The following DCUN1D2 variants were observed in gnomAD, a reference collection of about 807,000 sequenced individuals.
The protein encoded by DCUN1D2 is DCN1-like protein 2.
In DCUN1D2, 29 loss-of-function variants were observed where a neutral mutation model predicts 30.9. The ratio of observed to expected loss-of-function variants is 0.94; its 90% CI spans 0.70 to 1.28. The LOEUF (loss-of-function observed/expected upper bound fraction) is 1.28. DCUN1D2 is among the 50% of genes most tolerant of loss of function. DCUN1D2 has a pLI of 0.00. For synonymous variants in DCUN1D2, 121 were observed against 115.3 expected (o/e 1.05, Z -0.32); for missense variants, 325 against 316.9 (o/e 1.03, Z -0.19).
intron 4 of DCUN1D2, among the ~76,000 whole-genome samples, chr13:113,462,289 T>A (rs951493483): frequency 1.9e-4 from 29 of 150,488 alleles, no homozygotes; most frequent in African/African-American, 6.8e-4. Context: ...ATAAATAAAA[T>A]AAAAAATAAA....
chr13:113,490,628 C>T lies in DCUN1D2; in HGVS notation c.3+39G>A. Reference sequence around the variant, plus strand: ...GCCGACCTTGGGGCCCGACCCCGACCCCGACCCCGACGGGCAGAGGCGACG... The same window carrying T: ...GCCGACCTTGGGGCCCGACCCCGACTCCGACCCCGACGGGCAGAGGCGACG... On this transcript the variant is annotated intron_variant, in intron 1 of 6. Transcript: ENST00000478244. This position sits in a 1 kb window ranked among gnomAD's most constrained non-coding sequence, Gnocchi z 5.2. 1 of 1,228,260 alleles carries T rather than the reference C, an allele frequency of 8.1e-7. No individual in the cohort carries two copies. Among genetic ancestry groups the T allele is most frequent in the Non-Finnish European group, 1.0e-6 (1 of 985,718 alleles). 76.1% of individuals were successfully genotyped at this position (1,228,260 alleles called of 1,614,324 possible). A position where few individuals can be genotyped will look rare whatever the true frequency, so the allele number is the denominator to read the frequency against.
At chr13:113,464,447 T>C (rs572787037) in intron 4 of DCUN1D2, among the ~76,000 whole-genome samples, 1 of 152,232 alleles carries the variant, frequency 6.6e-6, no homozygotes. Context: ...ATACTGACCT[T>C]CCTTGAAACA....
At chr13:113,469,373 C>CAGAACAG (rs2139697156) in intron 4 of DCUN1D2, among the ~76,000 whole-genome samples, 1 of 152,288 alleles carries the variant, frequency 6.6e-6, no homozygotes, top group Non-Finnish European at 1.5e-5. Flanking sequence ...AACACACCAA[C>CAGAACAG]AGAACAGATC....
At chr13:113,486,527 C>T (rs1227822738) in intron 1 of DCUN1D2, among the ~76,000 whole-genome samples, 1 of 152,158 alleles carries the variant, frequency 6.6e-6, no homozygotes, top group African/African-American at 2.4e-5. Flanking sequence ...AAAACCACAT[C>T]GAACTCCTGA....
rs975651686 is a variant in DCUN1D2 at position 113,474,234 on chromosome 13, A to G, written c.410T>C (p.Leu137Pro). Reference sequence around the variant, plus strand: ...CTCCAGTCTTGGCAGAAGAGCCTTTAGCTTCTCCATGCTGTCACACCTGCG... The same window carrying G: ...CTCCAGTCTTGGCAGAAGAGCCTTTGGCTTCTCCATGCTGTCACACCTGCG... ...TELGCDSMEK[L>P]KALLPRLEQE... is the part of the protein sequence containing the mutation. Residue 137 changes from leucine (L) to proline (P), a missense_variant, in exon 4 of 7, where the codon CTA becomes CCA. Coordinates refer to ENST00000478244, the MANE Select transcript of DCUN1D2 (RefSeq NM_001014283.2). 1.9e-6 allele frequency: 3 copies of G among 1,613,900 alleles called. No homozygotes were observed. In the African/African-American group the frequency reaches 4.0e-5, roughly 22 times the overall value.
At position 113,457,998 on chromosome 13, in the gene DCUN1D2, T is replaced by C. The variant is rs2044253108; in HGVS notation, c.*31A>G. The C allele has an allele frequency of 6.3e-7, 1 of 1,591,630 alleles. No individual in the cohort carries two copies. Among genetic ancestry groups the C allele is most frequent in the Non-Finnish European group, 8.6e-7 (1 of 1,159,700 alleles). On this transcript the variant is annotated 3_prime_UTR_variant, in exon 7 of 7. Coordinates refer to ENST00000478244, the MANE Select transcript of DCUN1D2 (RefSeq NM_001014283.2). ...AATCTCCTTGCAGGATACAAATCATTTCATAATCTTACTCCTGCTTAACTT... is the reference window on the plus strand; with the variant it reads ...AATCTCCTTGCAGGATACAAATCATCTCATAATCTTACTCCTGCTTAACTT...
chr13:113,458,914 G>A (rs2044272239), intron 6 of DCUN1D2, among the ~76,000 whole-genome samples: 3 of 152,194 alleles, frequency 2.0e-5, no homozygotes, highest in African/African-American at 7.2e-5. Context: ...CACGGGGGGA[G>A]ACAAGTATGT....
intron 5 of DCUN1D2, among the ~76,000 whole-genome samples, chr13:113,460,025 G>A (rs958141729): frequency 6.6e-6 from 1 of 152,226 alleles, no homozygotes; most frequent in African/African-American, 2.4e-5. Flanking sequence ...GGTTCTCTGG[G>A]AAACATCTGT....
chr13:113,456,157 A>C lies in DCUN1D2; in HGVS notation c.*1872T>G, dbSNP rs898115877. The C allele has an allele frequency of 5.0e-6, 2 of 398,638 alleles. No homozygotes were observed. Among genetic ancestry groups the C allele is most frequent in the Non-Finnish European group, 8.8e-6 (2 of 226,062 alleles). The allele number at this position is 398,638 out of a possible 1,614,324, so 24.7% of individuals were successfully genotyped here. On this transcript the variant is annotated 3_prime_UTR_variant, in exon 7 of 7. Coordinates refer to ENST00000478244, the MANE Select transcript of DCUN1D2 (RefSeq NM_001014283.2). ...TGTATTAGACAAATGCTCTCTGAGA[A>C]TCGAAGACTTCTAAAGGTAGACAGG...
At chr13:113,466,558 T>A (rs1313870600) in intron 4 of DCUN1D2, among the ~76,000 whole-genome samples, 2 of 152,194 alleles carry the variant, frequency 1.3e-5, no homozygotes, top group East Asian at 3.9e-4. Flanking sequence ...GAATAAACAT[T>A]TACTGCCCCG....
At chr13:113,483,711 C>A (rs1457229748) in intron 2 of DCUN1D2, 129 bp downstream of exon 2, 2 of 829,280 alleles carry the variant, frequency 2.4e-6, no homozygotes, top group Non-Finnish European at 3.8e-6. Flanking sequence ...GAGCGCCGAG[C>A]GCTGAGCGTG....
At chr13:113,459,905 C>T (rs1347781930) in intron 5 of DCUN1D2, among the ~76,000 whole-genome samples, 8 of 152,190 alleles carry the variant, frequency 5.3e-5, no homozygotes, top group Non-Finnish European at 1.0e-4. Flanking sequence ...CACCAATATT[C>T]TGATTTTTTA....
At chr13:113,477,812 G>A (rs192278895) in intron 3 of DCUN1D2, among the ~76,000 whole-genome samples, 20 of 150,968 alleles carry the variant, frequency 1.3e-4, no homozygotes, top group African/African-American at 4.1e-4. Flanking sequence ...TAATTACACC[G>A]ATTGACTCTG....
intron 4 of DCUN1D2, among the ~76,000 whole-genome samples, chr13:113,470,876 GCTCCAAAGAA>G (rs2044495724): frequency 1.2e-5 from 1 of 82,968 alleles, no homozygotes. Context: ...AGGGAACCCA[GCTCCAAAGAA>G]GACCCAACTC....
intron 6 of DCUN1D2, 86 bp downstream of exon 6, chr13:113,459,226 C>A: frequency 1.3e-6 from 1 of 750,384 alleles, no homozygotes; most frequent in Non-Finnish European, 2.4e-6. Context: ...ATCTCAGTGA[C>A]GGGGTCACCA....
chr13:113,480,445 C>T (rs977661991), intron 3 of DCUN1D2, 130 bp downstream of exon 3: 46 of 906,730 alleles, frequency 5.1e-5, no homozygotes, highest in Middle Eastern at 5.4e-4. Context: ...AGAGTACAGA[C>T]GCATAAGAAA....
chr13:113,460,954 C>T (rs2044308694), intron 5 of DCUN1D2, 100 bp downstream of exon 5: 1 of 707,944 alleles, frequency 1.4e-6, no homozygotes, highest in Non-Finnish European at 2.4e-6. Context: ...CTGCTGAAAA[C>T]CTCCACGTGT....
chr13:113,490,972 G>A (rs1013600972), upstream of DCUN1D2: 3 of 189,684 alleles, frequency 1.6e-5, no homozygotes, highest in Non-Finnish European at 3.2e-5. This position sits in a 1 kb window ranked among gnomAD's most constrained non-coding sequence, Gnocchi z 5.2. Flanking sequence ...CGGCCGACGG[G>A]ACCCGCCCAC....
rs2139666481 is a variant in DCUN1D2, at chr13:113,457,498, A to G, written c.*531T>C. On this transcript the variant is annotated 3_prime_UTR_variant, in exon 7 of 7. Coordinates refer to ENST00000478244, the MANE Select transcript of DCUN1D2 (RefSeq NM_001014283.2). ...AAATCTAGATATTTGGTAATTCAAA[A>G]AATATAAATCGTGAATTGCTGGCAC... 1 of 152,412 alleles carries G rather than the reference A, an allele frequency of 6.6e-6. No homozygotes were observed. Among genetic ancestry groups the G allele is most frequent in the South Asian group, 2.1e-4 (1 of 4,826 alleles). The allele number at this position is 152,412 out of a possible 1,614,324, so 9.4% of individuals were successfully genotyped here. A position where few individuals can be genotyped will look rare whatever the true frequency, so the allele number is the denominator to read the frequency against.
Sources: allele counts gnomAD v4.1 joint callset (sites outside exome capture counted in the v4.1 genomes callset), GRCh38; gene constraint gnomAD v4.1.1; non-coding constraint Gnocchi (gnomAD v3.1); transcripts MANE v1.5; gene names NCBI Gene and HGNC (gene_info 2026-07-23, HGNC 2026-07-21).